GRK7: variants seen among roughly 807,000 people sequenced by gnomAD.
GRK7 encodes the protein G protein-coupled receptor kinase 7, also known as rhodopsin kinase GRK7.
Under a neutral mutation model 34.1 loss-of-function variants are expected in GRK7, and 24 were observed. That is an observed-to-expected ratio of 0.70 (90% CI 0.51 to 0.99). GRK7 has a LOEUF of 0.99. Ranked by LOEUF, GRK7 falls within the 50% of genes least tolerant of loss-of-function variation. GRK7 has a pLI of 0.00. For missense variants in GRK7, 644 were observed against 707.3 expected (o/e 0.91, Z 1.02); for synonymous variants, 256 against 279.4 (o/e 0.92, Z 0.84).
chr3:141,756,327 G>GGC, the GRK7 span, among the ~76,000 whole-genome samples: 2 of 50,126 alleles, frequency 4.0e-5, no homozygotes, highest in South Asian at 7.8e-4. Flanking sequence ...GAAAAAAAAA[G>GGC]GTGGGGGGGT....
chr3:141,817,113 A>AGATTT lies in GRK7; in HGVS notation c.*63_*64insGATTT. On this transcript the variant is annotated 3_prime_UTR_variant, in exon 6 of 6. Coordinates refer to ENST00000682958, the MANE Select transcript of GRK7 (RefSeq NM_139209.3). ...CTGACATAATCCTCGAATGTTCCACACGTGGAAATCTGTGGAATGAGGGCT... is the reference window on the plus strand; with the variant it reads ...CTGACATAATCCTCGAATGTTCCACAGATTTCGTGGAAATCTGTGGAATGAGGGCT... 2.3e-6 allele frequency: 3 copies of AGATTT among 1,300,628 alleles called. No homozygotes were observed. The highest frequency in any genetic ancestry group is 2.1e-6 in the Non-Finnish European group (2 of 944,336). The allele number at this position is 1,300,628 out of a possible 1,614,324, so 80.6% of individuals were successfully genotyped here.
intron 4 of GRK7, among the ~76,000 whole-genome samples, chr3:141,781,599 A>G (rs751684724): frequency 2.0e-5 from 3 of 152,034 alleles, no homozygotes; most frequent in Non-Finnish European, 4.4e-5. Flanking sequence ...AGGAAAAAGA[A>G]TGATCCTCTC....
chr3:141,789,038 C>G (rs1259619524), intron 4 of GRK7, among the ~76,000 whole-genome samples: 1 of 152,138 alleles, frequency 6.6e-6, no homozygotes, highest in Non-Finnish European at 1.5e-5. Flanking sequence ...TAGTCTTGAA[C>G]TCCTGGCCTC....
chr3:141,802,882 G>A (rs1710985394), intron 4 of GRK7, among the ~76,000 whole-genome samples: 1 of 151,986 alleles, frequency 6.6e-6, no homozygotes, highest in African/African-American at 2.4e-5. Flanking sequence ...AGACTCCCTT[G>A]TGCCTGATGA....
intron 5 of GRK7, among the ~76,000 whole-genome samples, chr3:141,814,520 TC>T (rs1711128326): frequency 6.6e-6 from 1 of 152,248 alleles, no homozygotes; most frequent in South Asian, 2.1e-4. Flanking sequence ...GAAAATGGTC[TC>T]CAGCTGCTTC....
intron 4 of GRK7, among the ~76,000 whole-genome samples, chr3:141,788,454 G>A (rs1233946978): frequency 1.3e-5 from 2 of 152,000 alleles, no homozygotes; most frequent in Non-Finnish European, 2.9e-5. Flanking sequence ...CTCTTACCTG[G>A]GCTCCATCAA....
chr3:141,750,024 A>AAG, the GRK7 span, among the ~76,000 whole-genome samples: 3 of 152,084 alleles, frequency 2.0e-5, no homozygotes, highest in South Asian at 6.2e-4. Flanking sequence ...CTCAAAAAAA[A>AAG]AAAAAGAAAT....
intron 4 of GRK7, among the ~76,000 whole-genome samples, chr3:141,806,794 T>G (rs1159583534): frequency 3.3e-5 from 5 of 152,012 alleles, no homozygotes; most frequent in African/African-American, 4.8e-5. Flanking sequence ...AGATGAGTAG[T>G]TCTGGAGATT....
chr3:141,814,034 G>A (rs919203999), intron 5 of GRK7, among the ~76,000 whole-genome samples: 2 of 152,136 alleles, frequency 1.3e-5, no homozygotes. Flanking sequence ...GGCAGAGTCT[G>A]TTGTAGTTAT....
At chr3:141,806,586 C>T (rs1015949144) in intron 4 of GRK7, among the ~76,000 whole-genome samples, 32 of 151,878 alleles carry the variant, frequency 2.1e-4, no homozygotes, top group African/African-American at 7.5e-4. Context: ...TATATATACA[C>T]ACACACATAT....
chr3:141,805,591 T>C (rs2107892818), intron 4 of GRK7, among the ~76,000 whole-genome samples: 1 of 152,360 alleles, frequency 6.6e-6, no homozygotes, highest in South Asian at 2.1e-4. Context: ...ACTGCCATGC[T>C]GACTCATGCA....
chr3:141,801,249 T>C (rs558051079), intron 4 of GRK7, among the ~76,000 whole-genome samples: 31 of 144,924 alleles, frequency 2.1e-4, no homozygotes, highest in African/African-American at 8.1e-4. Flanking sequence ...AGGCGGAGCT[T>C]GCAGTGAGCC....
intron 5 of GRK7, among the ~76,000 whole-genome samples, chr3:141,814,923 T>TTG (rs1477507502): frequency 1.4e-5 from 2 of 146,586 alleles, no homozygotes; most frequent in Non-Finnish European, 3.0e-5. Context: ...TTGGTTGGTT[T>TTG]TTTTTTTTTT....
At chr3:141,753,914 A>C in the GRK7 span, among the ~76,000 whole-genome samples, 1 of 152,258 alleles carries the variant, frequency 6.6e-6, no homozygotes, top group South Asian at 2.1e-4. Context: ...TTCCAAGAAC[A>C]GATAATGTGG....
chr3:141,752,374 G>A, the GRK7 span, among the ~76,000 whole-genome samples: 2 of 152,154 alleles, frequency 1.3e-5, no homozygotes. Context: ...CGTAGTGGAG[G>A]TGCTACCAGG....
At chr3:141,772,491 T>C (rs1310969931) in intron 1 of GRK7, among the ~76,000 whole-genome samples, 1 of 152,240 alleles carries the variant, frequency 6.6e-6, no homozygotes, top group Non-Finnish European at 1.5e-5. Context: ...CACTGCACTA[T>C]ATTACTTCCT....
chr3:141,801,086 G>A (rs1057354709), intron 4 of GRK7, among the ~76,000 whole-genome samples: 20 of 152,046 alleles, frequency 1.3e-4, no homozygotes, highest in African/African-American at 3.9e-4. Flanking sequence ...CGAGGCGGGC[G>A]GATCACAAGG....
chr3:141,774,026 CA>C (rs1256109933), intron 1 of GRK7, among the ~76,000 whole-genome samples: 1 of 152,164 alleles, frequency 6.6e-6, no homozygotes, highest in Non-Finnish European at 1.5e-5. Context: ...GCACTTTTGG[CA>C]AAGTGTGTGC....
intron 5 of GRK7, among the ~76,000 whole-genome samples, chr3:141,813,785 A>C (rs1711120369): frequency 6.6e-6 from 1 of 152,234 alleles, no homozygotes; most frequent in South Asian, 2.1e-4. Flanking sequence ...TTTCCTTTGA[A>C]AAAGTCACCT....
Sources: allele counts gnomAD v4.1 joint callset (sites outside exome capture counted in the v4.1 genomes callset), GRCh38; gene constraint gnomAD v4.1.1; transcripts MANE v1.5; gene names NCBI Gene and HGNC (gene_info 2026-07-23, HGNC 2026-07-21).